EPHA5: variants seen among roughly 807,000 people sequenced by gnomAD.
EPHA5 encodes EPH receptor A5, also known as ephrin type-A receptor 5.
A neutral mutation model predicts 105.0 loss-of-function variants in EPHA5; 60 were observed. That is an observed-to-expected ratio of 0.57 (90% CI 0.46 to 0.71). The LOEUF is 0.71. Among genes scored for constraint, EPHA5 ranks in the 30% least tolerant of loss-of-function variants. The pLI is 0.00. For synonymous variants in EPHA5, 513 were observed against 449.1 expected (o/e 1.14, Z -1.80); for missense variants, 1,218 against 1,274.7 (o/e 0.96, Z 0.68).
At chr4:65,360,411 T>G (rs1219828273) in intron 11 of EPHA5, among the ~76,000 whole-genome samples, 1 of 151,714 alleles carries the variant, frequency 6.6e-6, no homozygotes, top group Non-Finnish European at 1.5e-5. Context: ...GTTGGTTATA[T>G]TCACTGTTTA....
At chr4:65,482,771 C>T (rs1166007663) in intron 5 of EPHA5, among the ~76,000 whole-genome samples, 6 of 152,008 alleles carry the variant, frequency 3.9e-5, no homozygotes, top group Admixed American at 6.6e-5. Flanking sequence ...AAGGACTCTG[C>T]AATAGCATCA....
At chr4:65,650,767 T>C (rs575566846) in intron 1 of EPHA5, among the ~76,000 whole-genome samples, 54 of 152,134 alleles carry the variant, frequency 3.5e-4, no homozygotes, top group Non-Finnish European at 6.9e-4. Context: ...ACTTGAAAAA[T>C]CTCCTAACTG....
At chr4:65,454,879 CTA>C (rs956715707) in intron 5 of EPHA5, among the ~76,000 whole-genome samples, 27 of 152,244 alleles carry the variant, frequency 1.8e-4, no homozygotes, top group African/African-American at 6.5e-4. Flanking sequence ...AGAGAGATGC[CTA>C]TGTTAGTCCT....
intron 2 of EPHA5, among the ~76,000 whole-genome samples, chr4:65,614,017 C>T (rs564125758): frequency 4.6e-4 from 70 of 151,904 alleles, no homozygotes; most frequent in African/African-American, 1.3e-3. Context: ...GATGTTTCTA[C>T]GAATGCCAAG....
intron 1 of EPHA5, among the ~76,000 whole-genome samples, chr4:65,646,159 G>T (rs1332213360): frequency 1.3e-5 from 2 of 152,000 alleles, no homozygotes; most frequent in Admixed American, 6.6e-5. Context: ...TCCTTCTTCA[G>T]GACACTATTC....
chr4:65,405,787 A>G (rs1353165208), intron 7 of EPHA5, among the ~76,000 whole-genome samples: 1 of 152,144 alleles, frequency 6.6e-6, no homozygotes, highest in Non-Finnish European at 1.5e-5. Flanking sequence ...TGGCTACAGT[A>G]TAAATGAGGT....
rs148348649 is a variant in EPHA5, at chr4:65,445,926, C to A, written c.1403-25361G>T. Among the ~76,000 whole-genome samples, 391 of 152,186 alleles carry A rather than the reference C, an allele frequency of 2.6e-3. 1 individual carries two copies. Among genetic ancestry groups the A allele is most frequent in the African/African-American group, 8.5e-3 (352 of 41,544 alleles). ...ATACTGAGTTCATTCTGAAATTGAACATTCAAAATATACCATCTCCTTTGT... is the reference window on the plus strand; with the variant it reads ...ATACTGAGTTCATTCTGAAATTGAAAATTCAAAATATACCATCTCCTTTGT... On this transcript the variant is annotated intron_variant, in intron 5 of 16. Transcript: ENST00000613740.
chr4:65,541,935 A>G (rs1031218042), intron 3 of EPHA5, among the ~76,000 whole-genome samples: 2 of 151,988 alleles, frequency 1.3e-5, no homozygotes, highest in African/African-American at 4.8e-5. Context: ...GGGTTAAGAA[A>G]CTCAATCAAA....
At position 65,354,000 on chromosome 4, in the gene EPHA5, A is replaced by G. The variant is rs142028777; in HGVS notation, c.2174-897T>C. 2.5e-3 allele frequency among the ~76,000 whole-genome samples: 373 copies of G among 151,902 alleles called. 3 individuals are homozygous for G. The highest frequency in any genetic ancestry group is 8.6e-3 in the African/African-American group (356 of 41,518). On this transcript the variant is annotated intron_variant, in intron 11 of 16. Coordinates refer to ENST00000613740, the MANE Select transcript of EPHA5 (RefSeq NM_001281766.3). ...TCAGCTGGACAGACTCTAGAGCCAT[A>G]CTTCTTGGATTTTCATCCCAGAGCA...
chr4:65,361,360 A>G (rs1278511484), intron 11 of EPHA5, among the ~76,000 whole-genome samples: 3 of 151,632 alleles, frequency 2.0e-5, no homozygotes, highest in African/African-American at 7.3e-5. Flanking sequence ...AATAAGGTAG[A>G]GTTTTCCAGA....
intron 3 of EPHA5, among the ~76,000 whole-genome samples, chr4:65,525,228 C>T (rs989819780): frequency 1.6e-4 from 24 of 151,448 alleles, no homozygotes; most frequent in Non-Finnish European, 2.5e-4. Flanking sequence ...TGGCATTTGG[C>T]AGGAAATACT....
chr4:65,458,689 T>C (rs1389824206), intron 5 of EPHA5, among the ~76,000 whole-genome samples: 1 of 152,144 alleles, frequency 6.6e-6, no homozygotes, highest in East Asian at 1.9e-4. Context: ...TTGATTCATT[T>C]CTATTTTTCA....
intron 2 of EPHA5, 117 bp downstream of exon 2, chr4:65,643,246 C>T: frequency 1.3e-6 from 1 of 777,814 alleles, no homozygotes; most frequent in Non-Finnish European, 2.1e-6. Context: ...CCAACACACA[C>T]ATAGCACCTC....
chr4:65,336,158 C>T (rs775894516), intron 14 of EPHA5, 33 bp from the exon 15 acceptor site: 1 of 1,545,650 alleles, frequency 6.5e-7, no homozygotes, highest in Non-Finnish European at 8.8e-7. Context: ...AGCACCCCAA[C>T]ACCACAAATT....
intron 2 of EPHA5, among the ~76,000 whole-genome samples, chr4:65,637,225 G>GTA: frequency 7.2e-6 from 1 of 139,052 alleles, no homozygotes; most frequent in East Asian, 2.1e-4. Flanking sequence ...GCACAGAAAA[G>GTA]TTTTTTTTTT....
At chr4:65,611,919 A>C (rs1354056323) in intron 2 of EPHA5, among the ~76,000 whole-genome samples, 1 of 149,412 alleles carries the variant, frequency 6.7e-6, no homozygotes, top group African/African-American at 2.5e-5. Context: ...AATTGAGGCT[A>C]TCCAGGAGGA....
chr4:65,601,628 G>A lies in EPHA5; in HGVS notation c.910+13C>T. The A allele has an allele frequency of 6.2e-7, 1 of 1,608,534 alleles. No homozygotes were observed. Among genetic ancestry groups the A allele is most frequent in the African/African-American group, 1.3e-5 (1 of 74,924 alleles). ...AGCAGACAGCCCCTGCAGATCTGGA[G>A]GCAAACTCTTACCTTGACAGGTGCC... On this transcript the variant is annotated intron_variant, in intron 3 of 16. Transcript: ENST00000613740.
chr4:65,639,880 T>C (rs1387256019), intron 2 of EPHA5, among the ~76,000 whole-genome samples: 1 of 152,224 alleles, frequency 6.6e-6, no homozygotes. Context: ...GCAAATTCAT[T>C]TGTTTTTATA....
intron 3 of EPHA5, among the ~76,000 whole-genome samples, chr4:65,578,117 C>G (rs965475370): frequency 2.0e-5 from 3 of 152,284 alleles, no homozygotes; most frequent in African/African-American, 7.2e-5. Flanking sequence ...TAATCTATCT[C>G]TATCCAAACA....
Sources: gnomAD v4.1 joint callset for allele counts (sites outside exome capture counted in the v4.1 genomes callset) on GRCh38, gnomAD v4.1.1 for gene constraint, MANE v1.5 for transcripts, NCBI Gene and HGNC (gene_info 2026-07-23, HGNC 2026-07-21) for gene names.